The following CCNY variants were observed in gnomAD, a reference collection of about 807,000 sequenced individuals.
CCNY encodes cyclin-Y.
Under a neutral mutation model 42.8 loss-of-function variants are expected in CCNY, and 19 were observed. That is an observed-to-expected ratio of 0.44 (90% CI 0.31 to 0.65). CCNY has a LOEUF of 0.65. CCNY is among the 30% of genes least tolerant of loss of function. The probability of loss-of-function intolerance (pLI) is 0.07; values close to 1 mark genes in which losing one functional copy is unlikely to be tolerated. For missense variants in CCNY, 370 were observed against 437.3 expected, an observed-to-expected ratio of 0.85 and a Z score of 1.37; for synonymous variants, 165 against 162.7, an observed-to-expected ratio of 1.01 and a Z score of -0.11.
chr10:35,455,685 C>A (rs1051902916), intron 1 of CCNY, among the ~76,000 whole-genome samples: 1 of 151,966 alleles, frequency 6.6e-6, no homozygotes, highest in Non-Finnish European at 1.5e-5. Flanking sequence ...CTTGAGAGAA[C>A]ATGAACCAGG....
At chr10:35,534,600 A>G (rs1030875406) in intron 7 of CCNY, among the ~76,000 whole-genome samples, 2 of 152,266 alleles carry the variant, frequency 1.3e-5, no homozygotes, top group African/African-American at 4.8e-5. Flanking sequence ...TTATTGGGAC[A>G]TATTTTATAT....
rs189262639 is a variant in CCNY, at chr10:35,486,179, C to T, written c.229+2701C>T. On this transcript the variant is annotated intron_variant, in intron 2 of 9. Transcript: ENST00000374704. ...TAAGCCAAGGAGGGCTTTGGATTTTCGTAGACTCTCCTCTTCTCACAGGTG... is the reference window on the plus strand; with the variant it reads ...TAAGCCAAGGAGGGCTTTGGATTTTTGTAGACTCTCCTCTTCTCACAGGTG... Among the ~76,000 whole-genome samples, 9 of 152,302 alleles carry T rather than the reference C, an allele frequency of 5.9e-5. No individual in the cohort carries two copies. The East Asian group carries it at 1.2e-3, about 20-fold the overall frequency.
At chr10:35,398,711 A>C (rs1364267024) in intron 1 of CCNY, among the ~76,000 whole-genome samples, 1 of 152,252 alleles carries the variant, frequency 6.6e-6, no homozygotes, top group African/African-American at 2.4e-5. Context: ...TCTAAAAACA[A>C]AACAAAACAA....
At chr10:35,333,635 G>C (rs374266280), upstream of CCNY, among the ~76,000 whole-genome samples, 21 of 152,120 alleles carry the variant, frequency 1.4e-4, no homozygotes, top group Admixed American at 7.2e-4. Context: ...TCTTAGATAG[G>C]TTTACTTATC....
At chr10:35,517,953 A>T (rs1202611329) in intron 4 of CCNY, among the ~76,000 whole-genome samples, 1 of 152,194 alleles carries the variant, frequency 6.6e-6, no homozygotes, top group Non-Finnish European at 1.5e-5. Context: ...TGTGTACCAC[A>T]TGACTGTTGG....
intron 9 of CCNY, among the ~76,000 whole-genome samples, chr10:35,568,545 T>A (rs1295046475): frequency 1.3e-5 from 2 of 152,216 alleles, no homozygotes; most frequent in Non-Finnish European, 2.9e-5. Flanking sequence ...TAGAGGTGAC[T>A]TAAGTCCTCC....
intron 3 of CCNY, among the ~76,000 whole-genome samples, chr10:35,296,965 C>T (rs1835478082): frequency 6.6e-6 from 1 of 151,974 alleles, no homozygotes; most frequent in Non-Finnish European, 1.5e-5. Context: ...AGGCCAGTGT[C>T]ATCCTGATAC....
chr10:35,383,911 C>T (rs570854466), intron 1 of CCNY, among the ~76,000 whole-genome samples: 1 of 151,792 alleles, frequency 6.6e-6, no homozygotes, highest in South Asian at 2.1e-4. Context: ...TTTATATGGT[C>T]AATGGTAAAT....
intron 3 of CCNY, among the ~76,000 whole-genome samples, chr10:35,327,093 T>C (rs1368760874): frequency 1.3e-5 from 2 of 152,218 alleles, no homozygotes; most frequent in African/African-American, 2.4e-5. Flanking sequence ...AGTAAAAATA[T>C]TTCGCTAGGC....
chr10:35,401,593 A>G (rs193136573), intron 1 of CCNY, among the ~76,000 whole-genome samples: 10 of 145,292 alleles, frequency 6.9e-5, no homozygotes, highest in Admixed American at 6.3e-4. Context: ...GCTCAAAATT[A>G]GCAGTAGTAA....
At chr10:35,404,197 A>G (rs1303988496) in intron 1 of CCNY, among the ~76,000 whole-genome samples, 2 of 152,234 alleles carry the variant, frequency 1.3e-5, no homozygotes, top group African/African-American at 2.4e-5. Flanking sequence ...CTCTAAAAGT[A>G]TTAGGGCGGC....
At chr10:35,359,073 A>G (rs927267760) in intron 1 of CCNY, among the ~76,000 whole-genome samples, 3 of 152,248 alleles carry the variant, frequency 2.0e-5, no homozygotes, top group Admixed American at 1.3e-4. Flanking sequence ...TACATGGCTT[A>G]TTAGGTAAGT....
intron 1 of CCNY, among the ~76,000 whole-genome samples, chr10:35,382,689 G>C (rs875970): frequency 0.29 from 43,488 of 151,918 alleles, 6,534 homozygotes; most frequent in Admixed American, 0.35. Context: ...TGCTGAGCTT[G>C]AGACACTGAC....
intron 1 of CCNY, among the ~76,000 whole-genome samples, chr10:35,366,718 G>C (rs1836815170): frequency 6.6e-6 from 1 of 152,220 alleles, no homozygotes; most frequent in East Asian, 1.9e-4. Flanking sequence ...ACTGTTATTA[G>C]AGCTTTCTGT....
intron 1 of CCNY, among the ~76,000 whole-genome samples, chr10:35,362,738 G>C (rs529781855): frequency 6.8e-6 from 1 of 147,712 alleles, no homozygotes; most frequent in Admixed American, 6.7e-5. Context: ...CTTCCCAGAC[G>C]GGGCTGCGGC....
At chr10:35,267,756 C>G (rs2095727091) in intron 3 of CCNY, among the ~76,000 whole-genome samples, 1 of 152,100 alleles carries the variant, frequency 6.6e-6, no homozygotes, top group South Asian at 2.1e-4. Context: ...TTGTTCCTTA[C>G]ATGTTCCTGC....
At chr10:35,489,835 G>A (rs1839862714) in intron 2 of CCNY, among the ~76,000 whole-genome samples, 1 of 152,154 alleles carries the variant, frequency 6.6e-6, no homozygotes, top group Admixed American at 6.5e-5. Context: ...CATTTTTACA[G>A]TTTCTGGGAA....
chr10:35,371,972 T>G (rs1836946887), intron 1 of CCNY, among the ~76,000 whole-genome samples: 1 of 152,242 alleles, frequency 6.6e-6, no homozygotes, highest in Non-Finnish European at 1.5e-5. Flanking sequence ...GAACAGAAGC[T>G]GAATTACTGA....
chr10:35,306,022 A>C (rs1018154369), intron 3 of CCNY, among the ~76,000 whole-genome samples: 4 of 152,104 alleles, frequency 2.6e-5, no homozygotes, highest in Non-Finnish European at 5.9e-5. Flanking sequence ...CTTAAAATTC[A>C]TGTTTCATAT....
Sources: allele counts gnomAD v4.1 joint callset (sites outside exome capture counted in the v4.1 genomes callset), GRCh38; gene constraint gnomAD v4.1.1; transcripts MANE v1.5; gene names NCBI Gene and HGNC (gene_info 2026-07-23, HGNC 2026-07-21).